The following EXOSC10 variants were observed in gnomAD, a reference collection of about 807,000 sequenced individuals.
EXOSC10 encodes the protein exosome complex component 10.
EXOSC10 carries 94 observed loss-of-function variants against 126.6 expected under a neutral mutation model. That is an observed-to-expected ratio of 0.74 (90% confidence interval 0.63 to 0.88). EXOSC10 has a LOEUF of 0.88. Among genes scored for constraint, EXOSC10 ranks in the 40% least tolerant of loss-of-function variants. The probability of loss-of-function intolerance (pLI) is 0.00; values close to 1 mark genes in which losing one functional copy is unlikely to be tolerated. For missense variants in EXOSC10, 1,041 were observed against 1,100.5 expected, an observed-to-expected ratio of 0.95 and a Z score of 0.77; for synonymous variants, 395 against 400.8, an observed-to-expected ratio of 0.99 and a Z score of 0.17.
intron 14 of EXOSC10, among the ~76,000 whole-genome samples, chr1:11,078,538 T>C (rs1639956205): frequency 6.6e-6 from 1 of 152,024 alleles, no homozygotes; most frequent in African/African-American, 2.4e-5. Context: ...ATTACAGGCG[T>C]GAGCCACCGC....
chr1:11,069,119 G>T (rs1382745535), intron 22 of EXOSC10, among the ~76,000 whole-genome samples: 1 of 152,146 alleles, frequency 6.6e-6, no homozygotes, highest in Non-Finnish European at 1.5e-5. Context: ...AAGGCTGCTA[G>T]AGTCGAGAAT....
rs144801030 is a variant in EXOSC10 at position 11,084,548 on chromosome 1, C to T, written c.1090-1670G>A. Among the ~76,000 whole-genome samples the T allele has an allele frequency of 7.2e-3, 1,090 of 152,206 alleles. 5 individuals are homozygous for T. Among genetic ancestry groups the T allele is most frequent in the Non-Finnish European group, 0.012 (841 of 68,026 alleles). On this transcript the variant is annotated intron_variant, in intron 9 of 24. Coordinates refer to ENST00000376936, the MANE Select transcript of EXOSC10 (RefSeq NM_001001998.3). The stretch of plus-strand genomic sequence containing the variant: ...AGCCCTTTGTCAGATGAGTAGGTTG[C>T]GAAGATTTTCTCCCATTTTGTGGGT...
intron 13 of EXOSC10, among the ~76,000 whole-genome samples, chr1:11,080,081 G>C (rs1640061550): frequency 6.6e-6 from 1 of 152,224 alleles, no homozygotes; most frequent in Non-Finnish European, 1.5e-5. Context: ...CCATAGCACT[G>C]TGGATTCTCA....
intron 23 of EXOSC10, 73 bp downstream of exon 23, chr1:11,068,571 TG>T: frequency 8.8e-7 from 1 of 1,132,506 alleles, no homozygotes; most frequent in Non-Finnish European, 1.3e-6. Flanking sequence ...TGGATGGGCC[TG>T]TCTTCTCAGC....
chr1:11,071,610 C>CCCT (rs35990090), intron 20 of EXOSC10: 4 of 160,746 alleles, frequency 2.5e-5, no homozygotes, highest in East Asian at 3.7e-4. Context: ...CACTTCCCCC[C>CCCT]GTCTGCTCAG....
At position 11,091,484 on chromosome 1, in the gene EXOSC10, A is replaced by T. The variant is rs1373465169; in HGVS notation, c.477+9T>A. 6.2e-7 allele frequency: 1 copy of T among 1,610,514 alleles called. No individual in the cohort carries two copies. The highest frequency in any genetic ancestry group is 8.5e-7 in the Non-Finnish European group (1 of 1,177,572). On this transcript the variant is annotated intron_variant, in intron 4 of 24. Coordinates refer to ENST00000376936, the MANE Select transcript of EXOSC10 (RefSeq NM_001001998.3). Reference sequence around the variant, plus strand: ...ATCAAGAGCTCTAGTTAATCTGAAAAGCCCTCACCTTACGGTTCCAGCTGG... The same window carrying T: ...ATCAAGAGCTCTAGTTAATCTGAAATGCCCTCACCTTACGGTTCCAGCTGG...
chr1:11,094,117 C>T (rs930180895), intron 3 of EXOSC10, among the ~76,000 whole-genome samples: 14 of 151,942 alleles, frequency 9.2e-5, no homozygotes, highest in African/African-American at 3.1e-4. Context: ...ATCTGGAAGA[C>T]AGATTCAGAA....
intron 17 of EXOSC10, among the ~76,000 whole-genome samples, chr1:11,075,764 G>A (rs1639774009): frequency 6.8e-6 from 1 of 148,022 alleles, no homozygotes; most frequent in East Asian, 2.0e-4. Flanking sequence ...TGGGGCAGAG[G>A]GATTGCTTGA....
chr1:11,077,298 C>CA, intron 16 of EXOSC10, 67 bp downstream of exon 16: 1 of 1,527,654 alleles, frequency 6.5e-7, no homozygotes, highest in Non-Finnish European at 8.9e-7. Context: ...GCCAAGCCTA[C>CA]AGAATTTTAG....
In EXOSC10 at chr1:11,081,033, GAC is replaced by G. The variant is rs1378115911; in HGVS notation, c.1437+47_1437+48del. ...AAACCTAAGAACTAGAACCTGGCCA[GAC>G]ACAGAGCCCAAGTGTCGCGGTCTGT... On this transcript the variant is annotated intron_variant, in intron 11 of 24. Coordinates refer to ENST00000376936, the MANE Select transcript of EXOSC10 (RefSeq NM_001001998.3). 4 of 1,604,264 alleles carry G rather than the reference GAC, an allele frequency of 2.5e-6. No individual in the cohort carries two copies. The South Asian group carries it at 4.4e-5, about 18-fold the overall frequency.
intron 22 of EXOSC10, 77 bp from the exon 23 acceptor site, chr1:11,068,783 G>A: frequency 8.6e-7 from 1 of 1,160,670 alleles, no homozygotes; most frequent in South Asian, 1.2e-5. Context: ...AGCGAGGCCG[G>A]GACCATGACA....
chr1:11,095,988 C>CTTTT, intron 2 of EXOSC10, 107 bp from the exon 3 acceptor site: 16 of 894,324 alleles, frequency 1.8e-5, no homozygotes, highest in South Asian at 3.7e-5. Context: ...CCCAACACAT[C>CTTTT]TTTTTTTTTT....
rs1465910003 is a variant in EXOSC10 at position 11,078,281 on chromosome 1, G to A, written c.1750-630C>T. On this transcript the variant is annotated intron_variant, in intron 14 of 24. Coordinates refer to ENST00000376936, the MANE Select transcript of EXOSC10 (RefSeq NM_001001998.3). ...CCCTGTTTCTTTTTTTTTTTGAGACGGAGTCTCGCTCTGTCGCCCAGACTG... is the reference window on the plus strand; with the variant it reads ...CCCTGTTTCTTTTTTTTTTTGAGACAGAGTCTCGCTCTGTCGCCCAGACTG... 3.0e-5 allele frequency among the ~76,000 whole-genome samples: 4 copies of A among 132,972 alleles called. No homozygotes were observed. In the East Asian group the frequency reaches 7.9e-4, roughly 26 times the overall value. 87.2% of individuals were successfully genotyped at this position (132,972 alleles called of 152,430 possible). A position where few individuals can be genotyped will look rare whatever the true frequency, so the allele number is the denominator to read the frequency against.
In EXOSC10 at chr1:11,088,147, T is replaced by G; in HGVS notation, c.810A>C (p.Ala270=). The change falls in exon 7 of 25, where the codon GCA becomes GCC. Residue 270 remains alanine (A), a synonymous_variant. Transcript: ENST00000376936. ...CCTGGGGTTGTGGCTTTTGAAGCAC[T>G]GCATCTGCTGGGGTAAAGTGATTTA... ...YELNHFTPAD[A]VLQKPQPQLY... The G allele has an allele frequency of 6.2e-7, 1 of 1,613,736 alleles. No homozygotes were observed. The highest frequency in any genetic ancestry group is 8.5e-7 in the Non-Finnish European group (1 of 1,179,890).
At chr1:11,088,224 A>G (rs1640608983) in intron 6 of EXOSC10, 26 bp from the exon 7 acceptor site, 2 of 1,534,530 alleles carry the variant, frequency 1.3e-6, no homozygotes, top group Admixed American at 3.6e-5. Context: ...AAAAAGAGAA[A>G]TCATTCTGAT....
At chr1:11,091,680 A>G in intron 3 of EXOSC10, 83 bp from the exon 4 acceptor site, 1 of 1,016,200 alleles carries the variant, frequency 9.8e-7, no homozygotes, top group South Asian at 1.4e-5. Flanking sequence ...TTTATTTAAC[A>G]TGGAGTATCA....
intron 20 of EXOSC10, 102 bp downstream of exon 20, chr1:11,071,985 C>T: frequency 1.1e-6 from 1 of 913,848 alleles, no homozygotes; most frequent in South Asian, 1.5e-5. Flanking sequence ...GGAAGCCCCA[C>T]AGGGGCTTCA....
At position 11,096,448 on chromosome 1, in the gene EXOSC10, C is replaced by G. The variant is rs113665407; in HGVS notation, c.249-567G>C. Reference sequence around the variant, plus strand: ...TTACAGGTGTGAGCCATGAGCCCAGCCTTTTTCTTTCTTTCTTTCTTTCTT... The same window carrying G: ...TTACAGGTGTGAGCCATGAGCCCAGGCTTTTTCTTTCTTTCTTTCTTTCTT... On this transcript the variant is annotated intron_variant, in intron 2 of 24. Transcript: ENST00000376936. Among the ~76,000 whole-genome samples, 384 of 150,108 alleles carry G rather than the reference C, an allele frequency of 2.6e-3. 4 individuals carry two copies. Among genetic ancestry groups the G allele is most frequent in the East Asian group, 0.012 (62 of 5,054 alleles).
chr1:11,096,173 G>A (rs1405644990), intron 2 of EXOSC10, among the ~76,000 whole-genome samples: 4 of 152,020 alleles, frequency 2.6e-5, no homozygotes, highest in Non-Finnish European at 5.9e-5. Flanking sequence ...TAGTAAAGAT[G>A]AGGTTTTGCC....
Sources: allele counts gnomAD v4.1 joint callset (sites outside exome capture counted in the v4.1 genomes callset), GRCh38; gene constraint gnomAD v4.1.1; transcripts MANE v1.5; gene names NCBI Gene and HGNC (gene_info 2026-07-23, HGNC 2026-07-21).